Variants in SLC39A8 observed in about 807,000 individuals in gnomAD.
The protein encoded by SLC39A8 is solute carrier family 39 member 8.
Under a neutral mutation model 40.4 loss-of-function variants are expected in SLC39A8, and 15 were observed. The observed-to-expected ratio is 0.37, with a 90% CI of 0.25 to 0.57. The LOEUF (loss-of-function observed/expected upper bound fraction) is 0.57. SLC39A8 is among the 20% of genes least tolerant of loss of function. The probability of loss-of-function intolerance (pLI) is 0.75; values close to 1 mark genes in which losing one functional copy is unlikely to be tolerated. For synonymous variants in SLC39A8, 223 were observed against 221.6 expected, an observed-to-expected ratio of 1.01 and a Z score of -0.06; for missense variants, 472 against 558.8, an observed-to-expected ratio of 0.84 and a Z score of 1.57.
intron 3 of SLC39A8, among the ~76,000 whole-genome samples, chr4:102,314,199 T>C (rs766667466): frequency 6.6e-6 from 1 of 152,060 alleles, no homozygotes; most frequent in Non-Finnish European, 1.5e-5. Flanking sequence ...GCAAACCATT[T>C]AGCATGATCT....
chr4:102,342,364 T>A (rs1289997190), intron 2 of SLC39A8, among the ~76,000 whole-genome samples: 1 of 152,176 alleles, frequency 6.6e-6, no homozygotes, highest in East Asian at 1.9e-4. Flanking sequence ...CCCGGTGTGG[T>A]GGCACACGCC....
At chr4:102,268,712 A>G (rs528648612) in intron 6 of SLC39A8, among the ~76,000 whole-genome samples, 3 of 152,362 alleles carry the variant, frequency 2.0e-5, no homozygotes, top group African/African-American at 7.2e-5. Context: ...TCCAAAGCTT[A>G]ATTATTTTCT....
intron 1 of SLC39A8, 41 bp from the exon 2 acceptor site, chr4:102,344,956 C>G (rs1736112946): frequency 1.7e-6 from 2 of 1,149,660 alleles, no homozygotes; most frequent in African/African-American, 1.6e-5. Flanking sequence ...ATAAAGGCCA[C>G]CAGGGCACCA....
intron 6 of SLC39A8, among the ~76,000 whole-genome samples, chr4:102,270,978 T>C (rs1328870364): frequency 1.3e-5 from 2 of 151,438 alleles, no homozygotes; most frequent in Non-Finnish European, 2.9e-5. Context: ...TTGTAGAGGA[T>C]GAGGAGGCCT....
At chr4:102,274,002 C>A (rs533669539) in intron 6 of SLC39A8, among the ~76,000 whole-genome samples, 1 of 152,140 alleles carries the variant, frequency 6.6e-6, no homozygotes, top group Non-Finnish European at 1.5e-5. Flanking sequence ...AAAACCAGCA[C>A]AAAAAGGCTA....
chr4:102,266,456 T>G (rs1359149001), intron 8 of SLC39A8, among the ~76,000 whole-genome samples: 1 of 152,106 alleles, frequency 6.6e-6, no homozygotes, highest in Non-Finnish European at 1.5e-5. Flanking sequence ...AATAAAAAAC[T>G]CAAATTATTA....
intron 6 of SLC39A8, among the ~76,000 whole-genome samples, chr4:102,268,890 A>C (rs1486999669): frequency 6.6e-6 from 1 of 152,244 alleles, no homozygotes; most frequent in Non-Finnish European, 1.5e-5. Context: ...AATGCCAACT[A>C]AAACACTTTC....
At chr4:102,314,359 G>A (rs904541506) in intron 3 of SLC39A8, among the ~76,000 whole-genome samples, 2 of 152,050 alleles carry the variant, frequency 1.3e-5, no homozygotes, top group Non-Finnish European at 2.9e-5. Context: ...CTGTTCTTCA[G>A]ATTGTAGGCA....
At chr4:102,264,597 A>G (rs1017917860) in intron 8 of SLC39A8, among the ~76,000 whole-genome samples, 2 of 119,656 alleles carry the variant, frequency 1.7e-5, no homozygotes, top group African/African-American at 6.1e-5. Flanking sequence ...TCCTTTGAAG[A>G]TTTGAAACCA....
intron 6 of SLC39A8, among the ~76,000 whole-genome samples, chr4:102,272,307 TGGGC>T (rs1732397308): frequency 6.6e-6 from 1 of 151,684 alleles, no homozygotes; most frequent in Non-Finnish European, 1.5e-5. Flanking sequence ...GGAGTGGTGG[TGGGC>T]GCCTGTAGTC....
At chr4:102,270,891 C>CA (rs1451440246) in intron 6 of SLC39A8, among the ~76,000 whole-genome samples, 10 of 151,328 alleles carry the variant, frequency 6.6e-5, no homozygotes, top group Non-Finnish European at 1.2e-4. Flanking sequence ...AAATTTTTTT[C>CA]AAAAAAAGTA....
At chr4:102,282,966 T>A (rs1407375994) in intron 6 of SLC39A8, among the ~76,000 whole-genome samples, 2 of 152,194 alleles carry the variant, frequency 1.3e-5, no homozygotes, top group Non-Finnish European at 2.9e-5. Flanking sequence ...GACCTCATGA[T>A]CCACCTGCCT....
At chr4:102,254,424 C>T (rs1378373005) in intron 11 of SLC39A8, among the ~76,000 whole-genome samples, 1 of 152,120 alleles carries the variant, frequency 6.6e-6, no homozygotes, top group Non-Finnish European at 1.5e-5. Context: ...TTATTCTCTA[C>T]CATAGTTCCC....
At chr4:102,314,040 A>G (rs2149039576) in intron 3 of SLC39A8, among the ~76,000 whole-genome samples, 1 of 152,084 alleles carries the variant, frequency 6.6e-6, no homozygotes, top group East Asian at 1.9e-4. Context: ...ACCACGCCAA[A>G]AATTATATTC....
At chr4:102,284,842 A>AC (rs1733085638) in intron 6 of SLC39A8, among the ~76,000 whole-genome samples, 1 of 152,006 alleles carries the variant, frequency 6.6e-6, no homozygotes, top group Non-Finnish European at 1.5e-5. Context: ...CCAGGAAACT[A>AC]TAATGATGGC....
chr4:102,271,275 G>A (rs989890401), intron 6 of SLC39A8, among the ~76,000 whole-genome samples: 6 of 151,998 alleles, frequency 3.9e-5, no homozygotes, highest in Non-Finnish European at 8.8e-5. Context: ...ATATGGAAGA[G>A]TCTCTTTTAA....
chr4:102,262,525 T>C lies in SLC39A8; in HGVS notation c.*519A>G. The C allele has an allele frequency of 2.0e-6, 2 of 985,486 alleles. No individual in the cohort carries two copies. Among genetic ancestry groups the C allele is most frequent in the South Asian group, 9.4e-5 (2 of 21,290 alleles). 61.0% of individuals were successfully genotyped at this position (985,486 alleles called of 1,614,324 possible). A position where few individuals can be genotyped will look rare whatever the true frequency, so the allele number is the denominator to read the frequency against. Reference sequence around the variant, plus strand: ...AGAACAAAAAGCTGTGAGAAATCTTTTTTTTCTTTGGCTCCTTAAAGACTT... The same window carrying C: ...AGAACAAAAAGCTGTGAGAAATCTTCTTTTTCTTTGGCTCCTTAAAGACTT... On this transcript the variant is annotated 3_prime_UTR_variant, in exon 9 of 9. Coordinates refer to ENST00000356736, the MANE Select transcript of SLC39A8 (RefSeq NM_001135146.2).
chr4:102,286,355 A>T (rs1197952888), intron 6 of SLC39A8, among the ~76,000 whole-genome samples: 1 of 152,194 alleles, frequency 6.6e-6, no homozygotes, highest in Non-Finnish European at 1.5e-5. Flanking sequence ...GCAATTCTTC[A>T]TTACACTAAT....
intron 11 of SLC39A8, among the ~76,000 whole-genome samples, chr4:102,255,378 T>C (rs1338893220): frequency 6.6e-6 from 1 of 152,182 alleles, no homozygotes; most frequent in East Asian, 1.9e-4. Flanking sequence ...ACTAAGGATG[T>C]CAGGAACTAG....
Sources: allele counts gnomAD v4.1 joint callset (sites outside exome capture counted in the v4.1 genomes callset), GRCh38; gene constraint gnomAD v4.1.1; transcripts MANE v1.5; gene names NCBI Gene and HGNC (gene_info 2026-07-23, HGNC 2026-07-21).